LIMS1: variants seen among roughly 807,000 people sequenced by gnomAD.
LIMS1 encodes LIM and senescent cell antigen-like-containing domain protein 1.
In LIMS1, 18 loss-of-function variants were observed where a neutral mutation model predicts 44.1. The ratio of observed to expected loss-of-function variants is 0.41; its 90% CI spans 0.28 to 0.61. The LOEUF is 0.61. Ranked by LOEUF, LIMS1 falls within the 20% of genes least tolerant of loss-of-function variation. The pLI is 0.32. For missense variants in LIMS1, 201 were observed against 422.0 expected (o/e 0.48, Z 4.59); for synonymous variants, 93 against 149.1 (o/e 0.62, Z 2.74).
chr2:108,597,300 C>T (rs559291816), intron 1 of LIMS1, among the ~76,000 whole-genome samples: 1 of 152,156 alleles, frequency 6.6e-6, no homozygotes, highest in Non-Finnish European at 1.5e-5. Context: ...CACAAAGGCA[C>T]ATGCATAGAA....
intron 1 of LIMS1, among the ~76,000 whole-genome samples, chr2:108,551,655 T>C (rs1290574104): frequency 1.4e-5 from 2 of 145,138 alleles, no homozygotes; most frequent in South Asian, 2.1e-4. Flanking sequence ...TGTGTATATA[T>C]ATGTATATAC....
At chr2:108,566,715 G>A (rs1685303740) in intron 1 of LIMS1, among the ~76,000 whole-genome samples, 1 of 152,052 alleles carries the variant, frequency 6.6e-6, no homozygotes, top group Non-Finnish European at 1.5e-5. Context: ...TCCTGCCTCG[G>A]CCTCCCGAGT....
intron 9 of LIMS1, chr2:108,681,533 GT>G: frequency 1.0e-5 from 10 of 975,308 alleles, no homozygotes; most frequent in Non-Finnish European, 1.2e-5. Context: ...TAAAATCCTG[GT>G]TTTTGGTTTC....
intron 1 of LIMS1, among the ~76,000 whole-genome samples, chr2:108,633,930 G>C (rs984762374): frequency 6.6e-6 from 1 of 152,170 alleles, no homozygotes; most frequent in South Asian, 2.1e-4. Context: ...GAGCTCCATC[G>C]TGGTGTTTCT....
intron 1 of LIMS1, among the ~76,000 whole-genome samples, chr2:108,646,103 A>G (rs1212987326): frequency 6.6e-6 from 1 of 152,228 alleles, no homozygotes; most frequent in Non-Finnish European, 1.5e-5. Flanking sequence ...AAAGTTAACA[A>G]GGATATCCAG....
intron 1 of LIMS1, among the ~76,000 whole-genome samples, chr2:108,643,007 A>G (rs896387481): frequency 2.0e-5 from 3 of 152,198 alleles, no homozygotes; most frequent in African/African-American, 4.8e-5. Flanking sequence ...CAATCATTCC[A>G]TAAGTGAAAC....
At chr2:108,576,094 G>C (rs1558793716) in intron 1 of LIMS1, among the ~76,000 whole-genome samples, 2 of 152,160 alleles carry the variant, frequency 1.3e-5, no homozygotes, top group Non-Finnish European at 2.9e-5. Flanking sequence ...ACTCATTTTA[G>C]TACTGTTCTT....
At position 108,637,095 on chromosome 2, in the gene LIMS1, ATATATGTG is replaced by A. The variant is rs1341578461; in HGVS notation, c.33-22508_33-22501del. Reference sequence around the variant, plus strand: ...CCTTTTTAAATTCAGCAAAATATACATATATGTGTGTGTGTGTGTGTGTGTGTGTGTGT... The same window carrying A: ...CCTTTTTAAATTCAGCAAAATATACATGTGTGTGTGTGTGTGTGTGTGTGT... On this transcript the variant is annotated intron_variant, in intron 1 of 9. Transcript: ENST00000544547. 8.1e-4 allele frequency among the ~76,000 whole-genome samples: 66 copies of A among 81,508 alleles called. No individual in the cohort carries two copies. The East Asian group carries it at 0.034, about 41-fold the overall frequency. 53.5% of individuals were successfully genotyped at this position (81,508 alleles called of 152,430 possible).
intron 9 of LIMS1, among the ~76,000 whole-genome samples, chr2:108,682,217 G>T (rs1160481399): frequency 6.6e-6 from 1 of 151,714 alleles, no homozygotes; most frequent in African/African-American, 2.4e-5. Context: ...GTAAATGTAA[G>T]ATTAAAACAA....
At chr2:108,543,056 G>A (rs1437983494) in intron 1 of LIMS1, among the ~76,000 whole-genome samples, 1 of 152,204 alleles carries the variant, frequency 6.6e-6, no homozygotes, top group African/African-American at 2.4e-5. Context: ...GGAGTATACA[G>A]CTGTAATAGA....
intron 1 of LIMS1, among the ~76,000 whole-genome samples, chr2:108,631,280 T>C (rs1252968231): frequency 6.6e-6 from 1 of 152,090 alleles, no homozygotes; most frequent in African/African-American, 2.4e-5. Context: ...TGAGTGAGAG[T>C]GGGTGAGGAG....
rs537309965 is a variant in LIMS1 at position 108,583,819 on chromosome 2, C to A, written c.32+49225C>A. On this transcript the variant is annotated intron_variant, in intron 1 of 9. Coordinates refer to ENST00000544547, the Ensembl canonical transcript of LIMS1. ...AAGCGATTGTCCTGCCTCAGCCTCC[C>A]GGGTAACTGGGACCACAGGCGCCCA... 2.6e-5 allele frequency among the ~76,000 whole-genome samples: 4 copies of A among 150,976 alleles called. No individual in the cohort carries two copies. In the South Asian group the frequency reaches 8.4e-4, roughly 32 times the overall value.
intron 1 of LIMS1, among the ~76,000 whole-genome samples, chr2:108,558,506 G>T (rs1685004088): frequency 6.6e-6 from 1 of 151,994 alleles, no homozygotes; most frequent in African/African-American, 2.4e-5. Flanking sequence ...ACCACACCGG[G>T]ACGATTTGTG....
intron 1 of LIMS1, among the ~76,000 whole-genome samples, chr2:108,648,021 A>G (rs539430173): frequency 3.4e-4 from 52 of 152,332 alleles, no homozygotes; most frequent in Non-Finnish European, 7.1e-4. Flanking sequence ...GAGCAAGTCA[A>G]ATTGTCTCTA....
At chr2:108,624,878 A>G (rs1688473296) in intron 1 of LIMS1, among the ~76,000 whole-genome samples, 1 of 152,254 alleles carries the variant, frequency 6.6e-6, no homozygotes, top group African/African-American at 2.4e-5. Context: ...CAGGAGTTCA[A>G]GACCACTCTG....
At chr2:108,560,473 C>A (rs957656311) in intron 1 of LIMS1, among the ~76,000 whole-genome samples, 3 of 151,966 alleles carry the variant, frequency 2.0e-5, no homozygotes, top group East Asian at 3.9e-4. Context: ...CTCAAACTCA[C>A]CAGCGGGGCT....
intron 1 of LIMS1, among the ~76,000 whole-genome samples, chr2:108,608,828 T>C (rs560158106): frequency 1.6e-4 from 24 of 152,092 alleles, no homozygotes; most frequent in African/African-American, 5.8e-4. Context: ...TTCCGAGAAA[T>C]AGGGATACCG....
chr2:108,639,005 T>A (rs1043231157), intron 1 of LIMS1, among the ~76,000 whole-genome samples: 1 of 151,792 alleles, frequency 6.6e-6, no homozygotes, highest in Non-Finnish European at 1.5e-5. Flanking sequence ...ATCGCGCTAC[T>A]GCACTCCAGC....
chr2:108,570,169 G>A (rs1023950086), intron 1 of LIMS1, among the ~76,000 whole-genome samples: 16 of 152,054 alleles, frequency 1.1e-4, no homozygotes, highest in Admixed American at 3.3e-4. Context: ...GGTGGCTCAC[G>A]CCTGTAATCC....
Sources: gnomAD v4.1 joint callset for allele counts (sites outside exome capture counted in the v4.1 genomes callset) on GRCh38, gnomAD v4.1.1 for gene constraint, MANE v1.5 for transcripts, NCBI Gene and HGNC (gene_info 2026-07-23, HGNC 2026-07-21) for gene names.